STPG2: variants seen among roughly 807,000 people sequenced by gnomAD.
The protein encoded by STPG2 is sperm tail PG-rich repeat containing 2, also known as sperm-tail PG-rich repeat-containing protein 2.
Under a neutral mutation model 54.2 loss-of-function variants are expected in STPG2, and 56 were observed. That is an observed-to-expected ratio of 1.03 (90% CI 0.83 to 1.29). The LOEUF is 1.29. Among genes scored for constraint, STPG2 ranks in the 50% most tolerant of loss-of-function variants. The pLI is 0.00. For synonymous variants in STPG2, 200 were observed against 181.8 expected (o/e 1.10, Z -0.81); for missense variants, 596 against 544.9 (o/e 1.09, Z -0.93).
intron 4 of STPG2, among the ~76,000 whole-genome samples, chr4:97,526,658 G>A (rs1266850384): frequency 6.6e-6 from 1 of 151,920 alleles, no homozygotes; most frequent in Non-Finnish European, 1.5e-5. Context: ...TTCTTTTGCT[G>A]TGCAGAAGCT....
chr4:97,786,625 T>A (rs1259476624), intron 9 of STPG2, among the ~76,000 whole-genome samples: 1 of 152,092 alleles, frequency 6.6e-6, no homozygotes. Context: ...GTGAAAGAGT[T>A]TAAAGAACTC....
chr4:97,544,399 G>A (rs1731790895), intron 4 of STPG2, among the ~76,000 whole-genome samples: 1 of 151,918 alleles, frequency 6.6e-6, no homozygotes, highest in Non-Finnish European at 1.5e-5. Flanking sequence ...TTTAAAAAAT[G>A]GACCATAGGA....
chr4:97,751,158 C>A (rs1473666318), intron 9 of STPG2, among the ~76,000 whole-genome samples: 1 of 151,840 alleles, frequency 6.6e-6, no homozygotes, highest in Non-Finnish European at 1.5e-5. Context: ...CCTTGTCACA[C>A]ATGATTACTG....
chr4:98,137,176 C>T (rs1388166113), intron 1 of STPG2, among the ~76,000 whole-genome samples: 1 of 151,534 alleles, frequency 6.6e-6, no homozygotes, highest in Non-Finnish European at 1.5e-5. Flanking sequence ...ATCCATGAAT[C>T]CAAAAAGCTG....
chr4:98,101,214 T>G (rs553884307), intron 5 of STPG2, among the ~76,000 whole-genome samples: 169 of 152,272 alleles, frequency 1.1e-3, no homozygotes, highest in African/African-American at 3.9e-3. Flanking sequence ...TTTAGGCAGC[T>G]AAGACTATGA....
chr4:97,880,487 T>C (rs1339505401), intron 8 of STPG2, among the ~76,000 whole-genome samples: 2 of 152,084 alleles, frequency 1.3e-5, no homozygotes, highest in East Asian at 3.9e-4. Flanking sequence ...AATAAACCCT[T>C]GAGAAGGGTA....
At chr4:98,034,802 C>T (rs1215175446) in intron 5 of STPG2, among the ~76,000 whole-genome samples, 1 of 152,134 alleles carries the variant, frequency 6.6e-6, no homozygotes, top group Admixed American at 6.6e-5. Flanking sequence ...CACACATCTA[C>T]AACCATCTGA....
intron 5 of STPG2, among the ~76,000 whole-genome samples, chr4:98,055,300 A>G (rs1290538732): frequency 6.6e-6 from 1 of 152,056 alleles, no homozygotes; most frequent in Non-Finnish European, 1.5e-5. Flanking sequence ...GGCCAACTAG[A>G]TGCAGACAAG....
intron 5 of STPG2, among the ~76,000 whole-genome samples, chr4:98,009,295 T>A (rs1735665402): frequency 6.6e-6 from 1 of 152,010 alleles, no homozygotes; most frequent in African/African-American, 2.4e-5. Context: ...CATTTTTTTA[T>A]CTCAAGATAT....
chr4:98,133,500 A>G (rs1379544667), intron 2 of STPG2, among the ~76,000 whole-genome samples: 1 of 152,054 alleles, frequency 6.6e-6, no homozygotes, highest in Non-Finnish European at 1.5e-5. Context: ...TTTTATTTTT[A>G]AATAGGCAAT....
At chr4:97,910,245 T>C (rs1275522619) in intron 8 of STPG2, among the ~76,000 whole-genome samples, 1 of 152,184 alleles carries the variant, frequency 6.6e-6, no homozygotes, top group Non-Finnish European at 1.5e-5. Flanking sequence ...ACTCATCCTG[T>C]ACTAAGTAAA....
At chr4:97,553,220 A>G (rs1732004886) in intron 4 of STPG2, among the ~76,000 whole-genome samples, 1 of 152,210 alleles carries the variant, frequency 6.6e-6, no homozygotes, top group African/African-American at 2.4e-5. Context: ...TGTTGAACAC[A>G]TTCCTATTAT....
intron 2 of STPG2, among the ~76,000 whole-genome samples, chr4:98,132,682 A>G (rs529453617): frequency 6.6e-6 from 1 of 152,030 alleles, no homozygotes; most frequent in Non-Finnish European, 1.5e-5. Context: ...AATATTAATC[A>G]TTATCAGAAA....
intron 5 of STPG2, among the ~76,000 whole-genome samples, chr4:98,067,126 TAAAC>T: frequency 6.6e-6 from 1 of 152,330 alleles, no homozygotes; most frequent in South Asian, 2.1e-4. Flanking sequence ...TTTAGAAATC[TAAAC>T]AATTAGTGTA....
intron 4 of STPG2, among the ~76,000 whole-genome samples, chr4:97,450,871 T>C (rs1346593334): frequency 2.0e-5 from 3 of 152,208 alleles, no homozygotes; most frequent in South Asian, 2.1e-4. Flanking sequence ...TTAAATATCC[T>C]ACATGCACTT....
chr4:97,562,551 C>T (rs1380033389), intron 10 of STPG2, among the ~76,000 whole-genome samples: 1 of 152,076 alleles, frequency 6.6e-6, no homozygotes, highest in African/African-American at 2.4e-5. Context: ...CAGTTTTTGC[C>T]CATTCAGTAT....
intron 8 of STPG2, among the ~76,000 whole-genome samples, chr4:97,883,864 C>A (rs1412518257): frequency 1.3e-5 from 2 of 151,964 alleles, no homozygotes; most frequent in East Asian, 1.9e-4. Flanking sequence ...AGAGAATAAC[C>A]AAGAATTTTC....
chr4:97,953,616 T>C (rs190062924), intron 7 of STPG2, among the ~76,000 whole-genome samples: 61 of 152,366 alleles, frequency 4.0e-4, no homozygotes, highest in Non-Finnish European at 4.4e-5. Flanking sequence ...TGCAAGGCTC[T>C]TCCCACACTG....
intron 10 of STPG2, among the ~76,000 whole-genome samples, chr4:97,609,533 CA>C (rs1268730030): frequency 6.6e-6 from 1 of 151,918 alleles, no homozygotes; most frequent in Non-Finnish European, 1.5e-5. Flanking sequence ...ACATCCTGAG[CA>C]TATCAGTGAG....
Sources: allele counts gnomAD v4.1 joint callset (sites outside exome capture counted in the v4.1 genomes callset), GRCh38; gene constraint gnomAD v4.1.1; transcripts MANE v1.5; gene names NCBI Gene and HGNC (gene_info 2026-07-23, HGNC 2026-07-21).